CDH18: variants seen among roughly 807,000 people sequenced by gnomAD.
CDH18 encodes the protein cadherin 18.
A neutral mutation model predicts 67.9 loss-of-function variants in CDH18; 31 were observed. The ratio of observed to expected loss-of-function variants is 0.46; its 90% CI spans 0.34 to 0.62. The LOEUF is 0.62. Ranked by LOEUF, CDH18 falls within the 20% of genes least tolerant of loss-of-function variation. The pLI is 0.01. For synonymous variants in CDH18, 362 were observed against 347.2 expected (o/e 1.04, Z -0.48); for missense variants, 890 against 975.5 (o/e 0.91, Z 1.17).
chr5:19,715,056 C>A (rs916999675), intron 5 of CDH18, among the ~76,000 whole-genome samples: 1 of 151,902 alleles, frequency 6.6e-6, no homozygotes, highest in Admixed American at 6.6e-5. Flanking sequence ...AAAGTGAAAA[C>A]TATTGTCAAA....
At chr5:20,476,216 A>T (rs1264685111) in intron 1 of CDH18, among the ~76,000 whole-genome samples, 2 of 152,204 alleles carry the variant, frequency 1.3e-5, no homozygotes, top group East Asian at 3.9e-4. Context: ...GTTTCAGCAT[A>T]GTAAGCATAG....
At chr5:19,790,876 T>C (rs941265064) in intron 3 of CDH18, among the ~76,000 whole-genome samples, 6 of 152,004 alleles carry the variant, frequency 3.9e-5, no homozygotes, top group African/African-American at 9.7e-5. Context: ...ACATTTCAGA[T>C]GAGGAGCTGA....
intron 1 of CDH18, among the ~76,000 whole-genome samples, chr5:20,374,541 C>A (rs551076853): frequency 6.6e-5 from 10 of 152,136 alleles, no homozygotes; most frequent in Admixed American, 3.9e-4. Flanking sequence ...TGAAACATTT[C>A]TCTTATTTTA....
At chr5:20,088,245 A>G (rs1312281746) in intron 2 of CDH18, among the ~76,000 whole-genome samples, 1 of 152,188 alleles carries the variant, frequency 6.6e-6, no homozygotes, top group East Asian at 1.9e-4. Flanking sequence ...ATGTGGTTTC[A>G]CTTAAAACTA....
rs12110082 is a variant in CDH18 at position 20,196,942 on chromosome 5, G to C, written c.-518+58502C>G. Among the ~76,000 whole-genome samples the C allele has an allele frequency of 5.6e-3, 858 of 152,220 alleles. 9 individuals are homozygous for C. Among genetic ancestry groups the C allele is most frequent in the African/African-American group, 0.02 (822 of 41,534 alleles). ...GGTTTAAGTGAATGCCATTGGCCTG[G>C]GGAAAGAGTGTTTTAATAGCATGGA... On this transcript the variant is annotated intron_variant, in intron 2 of 14. Coordinates refer to the CDH18 transcript ENST00000507958.
At chr5:19,570,307 T>C (rs1323839057) in intron 8 of CDH18, among the ~76,000 whole-genome samples, 1 of 152,134 alleles carries the variant, frequency 6.6e-6, no homozygotes, top group Non-Finnish European at 1.5e-5. Flanking sequence ...TTTTGCATAG[T>C]TTACCGATCC....
intron 1 of CDH18, among the ~76,000 whole-genome samples, chr5:20,526,149 C>T (rs1338641590): frequency 1.3e-5 from 2 of 152,206 alleles, no homozygotes; most frequent in East Asian, 1.9e-4. Context: ...TATGGCAGAT[C>T]GTGGCCAGAC....
chr5:20,205,698 A>G (rs956528526), intron 2 of CDH18, among the ~76,000 whole-genome samples: 1 of 151,930 alleles, frequency 6.6e-6, no homozygotes, highest in Non-Finnish European at 1.5e-5. Flanking sequence ...CTAGAAATCA[A>G]TAACAAAAGG....
At chr5:19,543,046 G>A (rs10941339) in intron 9 of CDH18, among the ~76,000 whole-genome samples, 4,046 of 151,812 alleles carry the variant, frequency 0.027, 135 homozygotes, top group East Asian at 0.094. Context: ...TATATTCATG[G>A]TTTTTTTCAT....
intron 2 of CDH18, among the ~76,000 whole-genome samples, chr5:19,979,248 T>C (rs567949354): frequency 1.6e-5 from 2 of 126,876 alleles, no homozygotes; most frequent in South Asian, 4.7e-4. Flanking sequence ...GTGTGTGTGT[T>C]GAAGCAGAGT....
intron 2 of CDH18, among the ~76,000 whole-genome samples, chr5:20,055,126 T>A (rs1026117470): frequency 1.3e-5 from 2 of 152,216 alleles, no homozygotes; most frequent in South Asian, 2.1e-4. Flanking sequence ...AATAAAGTTA[T>A]GATTTTATTT....
chr5:20,145,525 T>C (rs1481091941), intron 2 of CDH18, among the ~76,000 whole-genome samples: 1 of 152,150 alleles, frequency 6.6e-6, no homozygotes, highest in Non-Finnish European at 1.5e-5. Flanking sequence ...GAGTTTTTGT[T>C]TTTTGCTTCA....
intron 2 of CDH18, among the ~76,000 whole-genome samples, chr5:20,206,272 C>T (rs1425054899): frequency 6.6e-6 from 1 of 151,694 alleles, no homozygotes; most frequent in Non-Finnish European, 1.5e-5. Context: ...ATATAACCTA[C>T]CAAGAATGAG....
intron 2 of CDH18, among the ~76,000 whole-genome samples, chr5:19,995,049 C>T (rs1217699180): frequency 6.6e-6 from 1 of 151,114 alleles, no homozygotes; most frequent in South Asian, 2.1e-4. Flanking sequence ...CCAGCTCAAG[C>T]AGAAAGCAAA....
intron 2 of CDH18, among the ~76,000 whole-genome samples, chr5:19,945,767 A>G (rs1385942535): frequency 2.0e-5 from 3 of 152,160 alleles, no homozygotes; most frequent in Admixed American, 6.6e-5. Context: ...TGGAAATGAT[A>G]GTGCATAGAA....
At chr5:20,355,001 C>T (rs1036617051) in intron 1 of CDH18, among the ~76,000 whole-genome samples, 2 of 152,150 alleles carry the variant, frequency 1.3e-5, no homozygotes, top group Admixed American at 1.3e-4. Context: ...AAATGTTCTT[C>T]CAAAGGGTAC....
intron 2 of CDH18, among the ~76,000 whole-genome samples, chr5:19,942,680 T>C (rs1411180983): frequency 6.6e-6 from 1 of 152,136 alleles, no homozygotes; most frequent in Admixed American, 6.6e-5. Flanking sequence ...TTTTGACCTA[T>C]CTCCTTTAAG....
At chr5:19,563,507 T>C (rs1739824923) in intron 8 of CDH18, among the ~76,000 whole-genome samples, 1 of 152,154 alleles carries the variant, frequency 6.6e-6, no homozygotes, top group Non-Finnish European at 1.5e-5. Context: ...AACATGGGAT[T>C]GCTCATCTCT....
At chr5:19,735,435 C>T (rs1490741410) in intron 4 of CDH18, among the ~76,000 whole-genome samples, 4 of 146,080 alleles carry the variant, frequency 2.7e-5, no homozygotes, top group Admixed American at 6.9e-5. Flanking sequence ...CTCGCTCTGT[C>T]GCCCAGGCTG....
Sources: allele counts gnomAD v4.1 joint callset (sites outside exome capture counted in the v4.1 genomes callset), GRCh38; gene constraint gnomAD v4.1.1; transcripts MANE v1.5; gene names NCBI Gene and HGNC (gene_info 2026-07-23, HGNC 2026-07-21).